BIK: variants seen among roughly 807,000 people sequenced by gnomAD.
BIK encodes BCL2 interacting killer, also known as bcl-2-interacting killer.
BIK carries 14 observed loss-of-function variants against 12.1 expected under a neutral mutation model. The observed-to-expected ratio is 1.16, with a 90% CI of 0.77 to 1.81. BIK has a LOEUF of 1.81. Among genes scored for constraint, BIK ranks in the 40% most tolerant of loss-of-function variants. The pLI, the probability that BIK is intolerant of heterozygous loss-of-function variation, is 0.00. For synonymous variants in BIK, 86 were observed against 92.3 expected (o/e 0.93, Z 0.39); for missense variants, 215 against 207.9 (o/e 1.03, Z -0.21).
chr22:43,114,519 T>G lies in BIK; in HGVS notation c.-8+3716T>G, dbSNP rs562239989. Among the ~76,000 whole-genome samples the G allele has an allele frequency of 5.6e-3, 846 of 152,282 alleles. 7 individuals carry two copies. The highest frequency in any genetic ancestry group is 0.018 in the African/African-American group (764 of 41,550). ...GGTTTCACCACGTTGGCCAGGTTGG[T>G]CTTGAACTCCTGACCTTGTGATCCG... On this transcript the variant is annotated intron_variant, in intron 1 of 4. Coordinates refer to ENST00000216115, the MANE Select transcript of BIK (RefSeq NM_001197.5).
At chr22:43,111,162 CTG>C (rs1930002369) in intron 1 of BIK, among the ~76,000 whole-genome samples, 1 of 152,210 alleles carries the variant, frequency 6.6e-6, no homozygotes. Flanking sequence ...GCTCCGAACT[CTG>C]GGGTCGTGCG....
At chr22:43,122,080 C>T (rs1353070689) in intron 1 of BIK, among the ~76,000 whole-genome samples, 1 of 152,240 alleles carries the variant, frequency 6.6e-6, no homozygotes, top group Non-Finnish European at 1.5e-5. Flanking sequence ...CACACTTGTG[C>T]CTAGGCCTGT....
chr22:43,116,620 G>A (rs957895827), intron 1 of BIK, among the ~76,000 whole-genome samples: 25 of 151,892 alleles, frequency 1.6e-4, no homozygotes, highest in African/African-American at 5.6e-4. Flanking sequence ...CCCCACGCCC[G>A]GCTAATTTTT....
At chr22:43,128,049 C>T (rs532761085) in intron 3 of BIK, among the ~76,000 whole-genome samples, 30 of 152,288 alleles carry the variant, frequency 2.0e-4, no homozygotes, top group African/African-American at 7.0e-4. Context: ...TTTTCTCTCT[C>T]GCCGTCCTCA....
chr22:43,127,450 G>T (rs735573), intron 2 of BIK, among the ~76,000 whole-genome samples: 1 of 152,176 alleles, frequency 6.6e-6, no homozygotes. Context: ...CCTGCCCCAG[G>T]ATTCTTTTTG....
intron 1 of BIK, among the ~76,000 whole-genome samples, chr22:43,118,691 C>A (rs1425409367): frequency 6.6e-6 from 1 of 152,164 alleles, no homozygotes; most frequent in Non-Finnish European, 1.5e-5. Flanking sequence ...CCCAGCGTGG[C>A]CCCTGACCCT....
chr22:43,120,192 C>T (rs754560630), intron 1 of BIK, among the ~76,000 whole-genome samples: 3 of 151,976 alleles, frequency 2.0e-5, no homozygotes, highest in African/African-American at 7.3e-5. Flanking sequence ...GTGGCACAAC[C>T]CCCCACTTGT....
chr22:43,117,151 G>T (rs1930130986), intron 1 of BIK, among the ~76,000 whole-genome samples: 1 of 152,122 alleles, frequency 6.6e-6, no homozygotes, highest in Non-Finnish European at 1.5e-5. Flanking sequence ...ACTGGCACTT[G>T]GCTTCAGTTT....
intron 1 of BIK, among the ~76,000 whole-genome samples, chr22:43,123,051 C>T (rs1601731533): frequency 1.3e-5 from 2 of 152,174 alleles, no homozygotes; most frequent in East Asian, 3.8e-4. Context: ...GGGGTTCTAT[C>T]AGCAAGGAGC....
chr22:43,113,881 C>T (rs184360035), intron 1 of BIK, among the ~76,000 whole-genome samples: 38 of 152,320 alleles, frequency 2.5e-4, no homozygotes, highest in Admixed American at 2.0e-3. Flanking sequence ...AGGAAGTCTC[C>T]GCACCAGTCT....
chr22:43,123,978 T>C, intron 1 of BIK, 38 bp from the exon 2 acceptor site: 1 of 1,609,024 alleles, frequency 6.2e-7, no homozygotes, highest in Non-Finnish European at 8.5e-7. Flanking sequence ...ACTGCTCAGT[T>C]CTTAGGGGTC....
At position 43,129,390 on chromosome 22, in the gene BIK, C is replaced by CTGTT; in HGVS notation, c.*87_*90dup. On this transcript the variant is annotated 3_prime_UTR_variant, in exon 5 of 5. Coordinates refer to ENST00000216115, the MANE Select transcript of BIK (RefSeq NM_001197.5). ...CGGCCTGCTGCTGTTATCTTTTTAA[C>CTGTT]TGTTTTCTCATGATGCCTTTTTATA... 1 of 1,492,726 alleles carries CTGTT rather than the reference C, an allele frequency of 6.7e-7. No individual in the cohort carries two copies. Among genetic ancestry groups the CTGTT allele is most frequent in the Non-Finnish European group, 8.9e-7 (1 of 1,129,080 alleles). 92.5% of individuals were successfully genotyped at this position (1,492,726 alleles called of 1,614,324 possible). A position where few individuals can be genotyped will look rare whatever the true frequency, so the allele number is the denominator to read the frequency against.
At chr22:43,111,615 CTTCA>C (rs969120019) in intron 1 of BIK, among the ~76,000 whole-genome samples, 1 of 152,204 alleles carries the variant, frequency 6.6e-6, no homozygotes, top group African/African-American at 2.4e-5. Context: ...CTTTCAAGCC[CTTCA>C]TTGTCAATTT....
chr22:43,113,238 C>G (rs543594101), intron 1 of BIK, among the ~76,000 whole-genome samples: 194 of 152,238 alleles, frequency 1.3e-3, no homozygotes, highest in African/African-American at 4.4e-3. Context: ...AATGGTAGAT[C>G]CCCAGTGTCT....
chr22:43,126,188 C>CTTTTTTTT lies in BIK; in HGVS notation c.162-1501_162-1494dup, dbSNP rs549572600. Among the ~76,000 whole-genome samples, 11 of 137,184 alleles carry CTTTTTTTT rather than the reference C, an allele frequency of 8.0e-5. 1 individual carries two copies. The highest frequency in any genetic ancestry group is 3.1e-4 in the African/African-American group (11 of 35,842). The allele number at this position is 137,184 out of a possible 152,430, so 90.0% of individuals were successfully genotyped here. A position where few individuals can be genotyped will look rare whatever the true frequency, so the allele number is the denominator to read the frequency against. On this transcript the variant is annotated intron_variant, in intron 2 of 4. Transcript: ENST00000216115. ...TGCAGGCGTGCACCAGCATGCCCGG[C>CTTTTTTTT]TTTTTTTTTTTTTTTGAGACGGAGT... is the stretch of plus-strand genomic sequence containing the variant.
At chr22:43,122,147 G>A (rs930963372) in intron 1 of BIK, among the ~76,000 whole-genome samples, 1 of 152,240 alleles carries the variant, frequency 6.6e-6, no homozygotes. Context: ...CTGGGGGTCA[G>A]GGAGACTTGG....
At chr22:43,119,490 C>T (rs778057615) in intron 1 of BIK, among the ~76,000 whole-genome samples, 8 of 152,108 alleles carry the variant, frequency 5.3e-5, no homozygotes, top group South Asian at 2.1e-4. Context: ...TACTCTGTGC[C>T]GGATCATTTC....
chr22:43,117,364 T>C (rs377121176), intron 1 of BIK, among the ~76,000 whole-genome samples: 1 of 151,966 alleles, frequency 6.6e-6, no homozygotes, highest in Non-Finnish European at 1.5e-5. Context: ...ACGGATTTTT[T>C]TTTTTCTTTT....
In BIK at chr22:43,110,819, C is replaced by T. The variant is rs1052410439; in HGVS notation, c.-8+16C>T. 1.3e-5 allele frequency: 2 copies of T among 152,134 alleles called. No individual in the cohort carries two copies. The highest frequency in any genetic ancestry group is 2.9e-5 in the Non-Finnish European group (2 of 68,072). The allele number at this position is 152,134 out of a possible 1,614,324, so 9.4% of individuals were successfully genotyped here. A position where few individuals can be genotyped will look rare whatever the true frequency, so the allele number is the denominator to read the frequency against. ...CCGCCGCCAGGTGAGTGCCCCCGAC[C>T]CTGCTGCCGCCCGCTGCTCCGCCCA... On this transcript the variant is annotated intron_variant, in intron 1 of 4. Transcript: ENST00000216115.
Sources: gnomAD v4.1 joint callset for allele counts (sites outside exome capture counted in the v4.1 genomes callset) on GRCh38, gnomAD v4.1.1 for gene constraint, MANE v1.5 for transcripts, NCBI Gene and HGNC (gene_info 2026-07-23, HGNC 2026-07-21) for gene names.